Variants in DIAPH3 observed in about 807,000 individuals in gnomAD.
DIAPH3 encodes protein diaphanous homolog 3.
In DIAPH3, 117 loss-of-function variants were observed where a neutral mutation model predicts 144.3. That is an observed-to-expected ratio of 0.81 (90% CI 0.70 to 0.95). DIAPH3 has a LOEUF of 0.95. Among genes scored for constraint, DIAPH3 ranks in the 40% least tolerant of loss-of-function variants. DIAPH3 has a pLI of 0.00. For synonymous variants in DIAPH3, 519 were observed against 488.9 expected (o/e 1.06, Z -0.81); for missense variants, 1,421 against 1,412.7 (o/e 1.01, Z -0.09).
chr13:60,052,958 T>TAAAAAAAAAAAAAAA (rs2056407276), intron 4 of DIAPH3, among the ~76,000 whole-genome samples: 1 of 10,612 alleles, frequency 9.4e-5, no homozygotes, highest in African/African-American at 6.3e-4. Context: ...AGACTCCCTC[T>TAAAAAAAAAAAAAAA]TAAAAAAAAA....
intron 27 of DIAPH3, among the ~76,000 whole-genome samples, chr13:59,711,164 T>C (rs1348468007): frequency 6.6e-6 from 1 of 152,220 alleles, no homozygotes; most frequent in Non-Finnish European, 1.5e-5. Flanking sequence ...AATTAAGTAC[T>C]GAACTCATAA....
At chr13:60,115,734 T>A (rs992225659) in intron 2 of DIAPH3, among the ~76,000 whole-genome samples, 7 of 152,152 alleles carry the variant, frequency 4.6e-5, no homozygotes, top group African/African-American at 1.7e-4. Context: ...AACAGACTAT[T>A]ATTTAAATAT....
In DIAPH3 at chr13:60,119,061, G is replaced by A. The variant is rs576611238; in HGVS notation, c.214-6875C>T. 1.7e-4 allele frequency among the ~76,000 whole-genome samples: 26 copies of A among 152,292 alleles called. No individual in the cohort carries two copies. In the South Asian group the frequency reaches 4.8e-3, roughly 28 times the overall value. ...ATCAACTGTTTTAATCACTGTGGCA[G>A]CCCGTCTCTAAGATGGCCCCAGTGA... On this transcript the variant is annotated intron_variant, in intron 2 of 27. Coordinates refer to ENST00000400324, the MANE Select transcript of DIAPH3 (RefSeq NM_001042517.2).
intron 2 of DIAPH3, among the ~76,000 whole-genome samples, chr13:60,113,827 G>T (rs2058632706): frequency 6.6e-6 from 1 of 152,166 alleles, no homozygotes; most frequent in African/African-American, 2.4e-5. Context: ...ATGGGTGCTG[G>T]CATTAGAATT....
At chr13:59,830,970 G>C (rs2041743938) in intron 24 of DIAPH3, among the ~76,000 whole-genome samples, 1 of 151,762 alleles carries the variant, frequency 6.6e-6, no homozygotes, top group African/African-American at 2.4e-5. Context: ...GAGGCAGCAT[G>C]ACATAATGTT....
chr13:59,884,015 A>G (rs1360473761), intron 20 of DIAPH3, among the ~76,000 whole-genome samples: 1 of 152,198 alleles, frequency 6.6e-6, no homozygotes, highest in Non-Finnish European at 1.5e-5. Flanking sequence ...AACAGGCTGC[A>G]TAGTAGGAGG....
rs540871155 is a variant in DIAPH3, at chr13:59,966,108, G to T, written c.2074+3836C>A. 3.9e-5 allele frequency among the ~76,000 whole-genome samples: 6 copies of T among 152,262 alleles called. No homozygotes were observed. In the East Asian group the frequency reaches 1.2e-3, roughly 29 times the overall value. On this transcript the variant is annotated intron_variant, in intron 17 of 27. Transcript: ENST00000400324. ...AAAATAAAGTGTAAAAGAAAATGAT[G>T]TAAGTGAATCAGGAAAAAATTACTG... is the stretch of plus-strand genomic sequence containing the variant.
At chr13:59,839,274 G>C in intron 23 of DIAPH3, 50 bp downstream of exon 23, 1 of 1,601,194 alleles carries the variant, frequency 6.2e-7, no homozygotes, top group South Asian at 1.1e-5. Context: ...TAAATAAATT[G>C]TATCTCTAGT....
chr13:59,750,584 G>A (rs2036955462), intron 27 of DIAPH3, among the ~76,000 whole-genome samples: 1 of 152,200 alleles, frequency 6.6e-6, no homozygotes. Context: ...ACTTTTGGCA[G>A]TTAAATCATA....
At chr13:60,156,156 T>G (rs1459492429) in intron 1 of DIAPH3, among the ~76,000 whole-genome samples, 1 of 152,218 alleles carries the variant, frequency 6.6e-6, no homozygotes, top group Non-Finnish European at 1.5e-5. Flanking sequence ...TCTTCCAGCT[T>G]CAGATGGCTG....
At position 60,005,647 on chromosome 13, in the gene DIAPH3, AT is replaced by A. The variant is rs1360773767; in HGVS notation, c.1014+2896del. ...AGGCACCCACCACCATGCCCGGCTA[AT>A]TTTTTTGTATTTTTAGTAGAGACGG... On this transcript the variant is annotated intron_variant, in intron 9 of 27. Transcript: ENST00000400324. Among the ~76,000 whole-genome samples, 15 of 151,838 alleles carry A rather than the reference AT, an allele frequency of 9.9e-5. No individual in the cohort carries two copies. In the South Asian group the frequency reaches 2.1e-3, roughly 21 times the overall value.
intron 17 of DIAPH3, among the ~76,000 whole-genome samples, chr13:59,962,158 T>C (rs925440157): frequency 2.0e-5 from 3 of 152,208 alleles, no homozygotes; most frequent in African/African-American, 7.2e-5. Context: ...AGGTCTTTGA[T>C]GTTACTTCAC....
At chr13:59,675,209 G>A (rs1485591271) in intron 27 of DIAPH3, among the ~76,000 whole-genome samples, 1 of 151,956 alleles carries the variant, frequency 6.6e-6, no homozygotes, top group East Asian at 1.9e-4. Context: ...AGGTCTACAG[G>A]CACGTATCAC....
intron 2 of DIAPH3, among the ~76,000 whole-genome samples, chr13:60,123,628 A>G (rs1021348700): frequency 6.6e-6 from 1 of 152,244 alleles, no homozygotes; most frequent in Non-Finnish European, 1.5e-5. Flanking sequence ...TATTTAAAAC[A>G]GAACTTGTTT....
chr13:59,889,289 T>A (rs1345711213), intron 20 of DIAPH3, among the ~76,000 whole-genome samples: 1 of 152,086 alleles, frequency 6.6e-6, no homozygotes, highest in Non-Finnish European at 1.5e-5. Flanking sequence ...CTGCTGTTTA[T>A]TACTTTATTC....
chr13:59,713,811 T>C (rs1207277475), intron 27 of DIAPH3, among the ~76,000 whole-genome samples: 3 of 152,228 alleles, frequency 2.0e-5, no homozygotes, highest in African/African-American at 7.2e-5. Context: ...CCAAGATCCA[T>C]ATGTCTTTGG....
At chr13:59,940,765 G>C (rs2048488783) in intron 17 of DIAPH3, among the ~76,000 whole-genome samples, 1 of 152,050 alleles carries the variant, frequency 6.6e-6, no homozygotes, top group Non-Finnish European at 1.5e-5. Context: ...GAGGCTAAGG[G>C]CCTGGCAAAT....
chr13:59,778,740 TA>T (rs1292925052), intron 25 of DIAPH3, among the ~76,000 whole-genome samples: 1 of 152,224 alleles, frequency 6.6e-6, no homozygotes, highest in Non-Finnish European at 1.5e-5. Context: ...AGAACTGAAT[TA>T]TTTTTTATCT....
chr13:59,943,465 C>A (rs1258120734), intron 17 of DIAPH3, among the ~76,000 whole-genome samples: 1 of 152,130 alleles, frequency 6.6e-6, no homozygotes, highest in Non-Finnish European at 1.5e-5. Flanking sequence ...AATGTAATAG[C>A]TCTCAATATG....
Sources: gnomAD v4.1 joint callset for allele counts (sites outside exome capture counted in the v4.1 genomes callset) on GRCh38, gnomAD v4.1.1 for gene constraint, MANE v1.5 for transcripts, NCBI Gene and HGNC (gene_info 2026-07-23, HGNC 2026-07-21) for gene names.